UGT2B11: variants seen among roughly 807,000 people sequenced by gnomAD.
UGT2B11 encodes UDP-glucuronosyltransferase 2B11.
Under a neutral mutation model 51.7 loss-of-function variants are expected in UGT2B11, and 49 were observed. The observed-to-expected ratio is 0.95, with a 90% CI of 0.75 to 1.20. UGT2B11 has a LOEUF of 1.20. UGT2B11 is among the 50% of genes most tolerant of loss of function. The pLI is 0.00. For missense variants in UGT2B11, 810 were observed against 622.1 expected, an observed-to-expected ratio of 1.30 and a Z score of -3.21; for synonymous variants, 273 against 209.0, an observed-to-expected ratio of 1.31 and a Z score of -2.64.
upstream of UGT2B11, among the ~76,000 whole-genome samples, chr4:69,219,203 T>A (rs1722351963): frequency 6.6e-6 from 1 of 152,102 alleles, no homozygotes. Context: ...CCTGACTGCA[T>A]CTAGTTGATC....
the UGT2B11 span, among the ~76,000 whole-genome samples, chr4:69,223,076 A>G: frequency 3.9e-5 from 6 of 152,306 alleles, no homozygotes; most frequent in African/African-American, 1.4e-4. Context: ...ACATCACTCC[A>G]TTTATCTTCC....
rs1287576468 is a variant in UGT2B11, at chr4:69,212,610, C to G, written c.833G>C (p.Gly278Ala). 3.7e-6 allele frequency: 6 copies of G among 1,608,346 alleles called. No homozygotes were observed. Among genetic ancestry groups the G allele is most frequent in the Non-Finnish European group, 1.7e-6 (2 of 1,176,904 alleles). Residue 278 changes from glycine to alanine, a missense_variant, in exon 2 of 6, where the codon GGA becomes GCA. Transcript: ENST00000446444. Reference protein sequence around the residue: ...HPFLPNVDFVGGFHCKPAKPL... With the variant: ...HPFLPNVDFVAGFHCKPAKPL... ...TTTGGCAGGTTTGCAGTGGAATCCT[C>G]CAACAAAATCAACGTTTGGTAAGAA...
chr4:69,218,326 A>G (rs911033248), upstream of UGT2B11, among the ~76,000 whole-genome samples: 2 of 152,156 alleles, frequency 1.3e-5, no homozygotes, highest in Non-Finnish European at 2.9e-5. Context: ...GGAGAATCCT[A>G]TCACTATTGG....
Position 69,205,515 on chromosome 4 carries a change from C to A in UGT2B11, c.1055G>T (p.Arg352Leu). ...ATTCTGGGGTATCCACTTGTACAGC[C>A]GAGTATTGAGACCTAAGGCATCTGG... Reference protein sequence around the residue: ...NKPDALGLNTRLYKWIPQNDL... With the variant: ...NKPDALGLNTLLYKWIPQNDL... Residue 352 changes from arginine (R) to leucine (L), a missense_variant, in exon 4 of 6, where the codon CGG becomes CTG. Physicochemically the swap from Arg to Leu is moderately radical, Grantham distance 102. Transcript: ENST00000446444. 1 of 1,610,620 alleles carries A rather than the reference C, an allele frequency of 6.2e-7. No homozygotes were observed. Among genetic ancestry groups the A allele is most frequent in the South Asian group, 1.1e-5 (1 of 90,968 alleles).
chr4:69,216,099 A>T (rs535277952), upstream of UGT2B11: 2 of 152,014 alleles, frequency 1.3e-5, 1 homozygote, highest in Admixed American at 1.3e-4. Flanking sequence ...ACATACTGCC[A>T]GTTGTAAATG....
upstream of UGT2B11, chr4:69,216,762 G>A (rs1465339311): frequency 6.6e-6 from 1 of 151,998 alleles, no homozygotes; most frequent in Non-Finnish European, 1.5e-5. Flanking sequence ...AGAAAAGGAT[G>A]AATGATTTTG....
At chr4:69,220,253 C>T in the UGT2B11 span, among the ~76,000 whole-genome samples, 2 of 17,474 alleles carry the variant, frequency 1.1e-4, no homozygotes, top group African/African-American at 2.5e-4. Context: ...CCATGGTCTT[C>T]GGCAGTTCAA....
chr4:69,218,651 G>A (rs1722334609), upstream of UGT2B11, among the ~76,000 whole-genome samples: 1 of 152,078 alleles, frequency 6.6e-6, no homozygotes, highest in Non-Finnish European at 1.5e-5. Flanking sequence ...GACACCGAGA[G>A]AAGGTTCTCG....
At position 69,212,443 on chromosome 4, in the gene UGT2B11, GTA is replaced by G; in HGVS notation, c.870+128_870+129del. 5 of 1,464,038 alleles carry G rather than the reference GTA, an allele frequency of 3.4e-6. No individual in the cohort carries two copies. The South Asian group carries it at 5.3e-5, about 15-fold the overall frequency. The allele number at this position is 1,464,038 out of a possible 1,614,324, so 90.7% of individuals were successfully genotyped here. On this transcript the variant is annotated intron_variant, in intron 2 of 5. Transcript: ENST00000446444. ...TAACATATACATGAGTTTCTAATTA[GTA>G]TCTGCTTTACACCACCTACTTCCCA...
chr4:69,219,151 T>TG (rs1258929455), upstream of UGT2B11, among the ~76,000 whole-genome samples: 1 of 151,818 alleles, frequency 6.6e-6, no homozygotes, highest in Non-Finnish European at 1.5e-5. Context: ...TATGTTGGTA[T>TG]GAAAAAAAAA....
At position 69,212,638 on chromosome 4, in the gene UGT2B11, G is replaced by T; in HGVS notation, c.805C>A (p.Pro269Thr). The stretch of plus-strand genomic sequence containing the variant: ...ACAAAATCAACGTTTGGTAAGAATG[G>T]ATGAGGAAATTGAAAACTCCAGGAG... ...RNSWSFQFPH[P>T]FLPNVDFVGG... The change falls in exon 2 of 6, where the codon CCA (proline) becomes ACA (threonine). Residue 269 changes from proline to threonine, a missense_variant. Coordinates refer to ENST00000446444, the MANE Select transcript of UGT2B11 (RefSeq NM_001073.3). 1 of 1,610,528 alleles carries T rather than the reference G, an allele frequency of 6.2e-7. No homozygotes were observed. The highest frequency in any genetic ancestry group is 8.5e-7 in the Non-Finnish European group (1 of 1,177,704).
Position 69,200,405 on chromosome 4 carries a change from C to G in UGT2B11, c.*35G>C. 1.3e-6 allele frequency: 2 copies of G among 1,539,372 alleles called. No homozygotes were observed. The highest frequency in any genetic ancestry group is 1.8e-6 in the Non-Finnish European group (2 of 1,137,364). On this transcript the variant is annotated 3_prime_UTR_variant, in exon 6 of 6. Coordinates refer to ENST00000446444, the MANE Select transcript of UGT2B11 (RefSeq NM_001073.3). ...CTGGAATAAACTGAAGTTGTCCTAT[C>G]TATCTGGTTTTCCAGCTTCAAATGT...
At chr4:69,201,443 A>G (rs1375331351) in intron 5 of UGT2B11, among the ~76,000 whole-genome samples, 1 of 151,804 alleles carries the variant, frequency 6.6e-6, no homozygotes, top group African/African-American at 2.4e-5. Flanking sequence ...TCTTTTAATC[A>G]TAAAATTCAA....
chr4:69,219,261 G>C (rs1434094955), upstream of UGT2B11, among the ~76,000 whole-genome samples: 1 of 151,898 alleles, frequency 6.6e-6, no homozygotes, highest in Non-Finnish European at 1.5e-5. Flanking sequence ...ATTCTTTCTT[G>C]ATGTCCCTGC....
At chr4:69,202,639 C>T (rs932066201) in intron 5 of UGT2B11, among the ~76,000 whole-genome samples, 1 of 151,608 alleles carries the variant, frequency 6.6e-6, no homozygotes, top group South Asian at 2.1e-4. Context: ...TGTAAGACTC[C>T]ATTTGTTAAT....
chr4:69,207,994 T>C (rs1236651068), intron 3 of UGT2B11, among the ~76,000 whole-genome samples: 2 of 151,650 alleles, frequency 1.3e-5, no homozygotes, highest in African/African-American at 4.8e-5. Context: ...CCATTTTCAC[T>C]TACCTGAAAT....
the UGT2B11 span, among the ~76,000 whole-genome samples, chr4:69,223,768 G>C: frequency 6.6e-6 from 1 of 152,114 alleles, no homozygotes; most frequent in Admixed American, 6.6e-5. Context: ...CCCATCAAAG[G>C]AGTAAGCCCC....
chr4:69,205,656 A>C, intron 3 of UGT2B11, 89 bp from the exon 4 acceptor site: 1 of 1,384,484 alleles, frequency 7.2e-7, no homozygotes, highest in Non-Finnish European at 9.9e-7. Flanking sequence ...GAATGAGATC[A>C]AGGGATGTTA....
intron 3 of UGT2B11, among the ~76,000 whole-genome samples, chr4:69,205,970 A>T (rs895617368): frequency 1.5e-4 from 22 of 151,674 alleles, no homozygotes; most frequent in Admixed American, 1.1e-3. Flanking sequence ...AAATTCAAAA[A>T]ATATCATGAT....
Sources: allele counts gnomAD v4.1 joint callset (sites outside exome capture counted in the v4.1 genomes callset), GRCh38; gene constraint gnomAD v4.1.1; transcripts MANE v1.5; gene names NCBI Gene and HGNC (gene_info 2026-07-23, HGNC 2026-07-21).